Variants in GOLGA5 observed in about 807,000 individuals in gnomAD.
GOLGA5 encodes the protein golgin subfamily A member 5.
In GOLGA5, 50 loss-of-function variants were observed where a neutral mutation model predicts 93.5. The observed-to-expected ratio is 0.53, with a 90% confidence interval of 0.43 to 0.68. The LOEUF is 0.68. Ranked by LOEUF, GOLGA5 falls within the 30% of genes least tolerant of loss-of-function variation. The pLI, the probability that GOLGA5 is intolerant of heterozygous loss-of-function variation, is 0.00. For missense variants in GOLGA5, 760 were observed against 856.4 expected (o/e 0.89, Z 1.40); for synonymous variants, 312 against 304.5 (o/e 1.02, Z -0.26).
intron 9 of GOLGA5, among the ~76,000 whole-genome samples, chr14:92,827,167 A>T (rs1885440680): frequency 6.6e-6 from 1 of 152,216 alleles, no homozygotes; most frequent in South Asian, 2.1e-4. Flanking sequence ...CAAAAAGAAG[A>T]AAAAAGCACA....
intron 1 of GOLGA5, among the ~76,000 whole-genome samples, chr14:92,795,179 T>C (rs1351394971): frequency 6.6e-6 from 1 of 152,174 alleles, no homozygotes; most frequent in Non-Finnish European, 1.5e-5. Flanking sequence ...CCTCAAGTGG[T>C]CCTCCCCGCT....
chr14:92,834,488 G>A (rs1161829927), intron 10 of GOLGA5, among the ~76,000 whole-genome samples: 1 of 152,116 alleles, frequency 6.6e-6, no homozygotes, highest in Non-Finnish European at 1.5e-5. Context: ...CCCAAAGGAG[G>A]TAAGATAGTG....
At chr14:92,819,865 G>A (rs1270211214) in intron 8 of GOLGA5, 29 bp downstream of exon 8, 2 of 1,591,204 alleles carry the variant, frequency 1.3e-6, no homozygotes, top group South Asian at 1.1e-5. Context: ...TGACTTCTGA[G>A]ACTCTGTCCT....
intron 6 of GOLGA5, among the ~76,000 whole-genome samples, chr14:92,815,663 C>CGT (rs1455887227): frequency 6.6e-6 from 1 of 151,066 alleles, no homozygotes; most frequent in East Asian, 1.9e-4. Flanking sequence ...ATAGCAAGAC[C>CGT]GTATCTCAAA....
intron 2 of GOLGA5, among the ~76,000 whole-genome samples, chr14:92,803,205 T>C (rs895911219): frequency 1.3e-5 from 2 of 151,976 alleles, no homozygotes; most frequent in Non-Finnish European, 2.9e-5. Context: ...GTAGGTAATT[T>C]TGTTCATTTT....
chr14:92,810,141 C>A, intron 4 of GOLGA5, 113 bp from the exon 5 acceptor site: 1 of 688,600 alleles, frequency 1.5e-6, no homozygotes, highest in Non-Finnish European at 2.5e-6. Context: ...AAGAATATTT[C>A]AGTCAAATTA....
chr14:92,816,300 G>T lies in GOLGA5; in HGVS notation c.1370G>T (p.Gly457Val). Residue 457 changes from glycine to valine, a missense_variant, in exon 7 of 13, where the codon GGC becomes GTC. Transcript: ENST00000163416. ...NSLKEGSGFE[G>V]LDSSTASSME... The stretch of plus-strand genomic sequence containing the variant: ...TTGAAAGAAGGCTCTGGTTTTGAAG[G>T]CCTAGATAGCAGCACTGCCAGTAGC... 1 of 1,613,908 alleles carries T rather than the reference G, an allele frequency of 6.2e-7. No homozygotes were observed. Among genetic ancestry groups the T allele is most frequent in the Non-Finnish European group, 8.5e-7 (1 of 1,179,802 alleles).
At chr14:92,798,532 C>A (rs1884788856) in intron 2 of GOLGA5, among the ~76,000 whole-genome samples, 1 of 152,244 alleles carries the variant, frequency 6.6e-6, no homozygotes, top group South Asian at 2.1e-4. Flanking sequence ...TTAATTCCCT[C>A]TGAGATTACC....
In GOLGA5 at chr14:92,816,370, G is replaced by A. The variant is rs1885205263; in HGVS notation, c.1440G>A (p.Glu480=). 2 of 1,613,932 alleles carry A rather than the reference G, an allele frequency of 1.2e-6. No homozygotes were observed. The highest frequency in any genetic ancestry group is 1.3e-5 in the African/African-American group (1 of 74,920). ...ELRHEKEMQR[E]EIQKLMGQIH... The stretch of plus-strand genomic sequence containing the variant: ...GGCATGAGAAAGAGATGCAGAGGGA[G>A]GAAATACAGAAGCTGATGGGCCAGA... Residue 480 remains glutamate, a synonymous_variant, in exon 7 of 13, where the codon GAG becomes GAA. Transcript: ENST00000163416.
At chr14:92,803,693 G>A (rs1262554620) in intron 2 of GOLGA5, among the ~76,000 whole-genome samples, 3 of 152,194 alleles carry the variant, frequency 2.0e-5, no homozygotes, top group Non-Finnish European at 4.4e-5. Flanking sequence ...AGGGGTCACA[G>A]CTGAAACTTT....
chr14:92,833,006 A>C, intron 9 of GOLGA5, 116 bp from the exon 10 acceptor site: 1 of 684,116 alleles, frequency 1.5e-6, no homozygotes, highest in Non-Finnish European at 2.6e-6. Flanking sequence ...GAGTCAGTAT[A>C]GAGTTTTGAG....
intron 8 of GOLGA5, among the ~76,000 whole-genome samples, chr14:92,822,782 G>A (rs563027920): frequency 7.9e-5 from 12 of 152,048 alleles, no homozygotes; most frequent in African/African-American, 2.2e-4. Context: ...TCAGCCTCCC[G>A]AGTAGCTGGG....
At chr14:92,804,992 C>T (rs1013998923) in intron 2 of GOLGA5, among the ~76,000 whole-genome samples, 1 of 152,186 alleles carries the variant, frequency 6.6e-6, no homozygotes, top group Admixed American at 6.5e-5. Flanking sequence ...TTCCCTACCC[C>T]ACTTGATTAT....
chr14:92,797,690 A>G lies in GOLGA5; in HGVS notation c.253A>G (p.Lys85Glu). ...ATILAGTANV[K>E]VGSRTPVEAS... ...CATCTTAGCTGGCACTGCAAATGTG[A>G]AAGTAGGATCTCGGACACCAGTAGA... The change falls in exon 2 of 13, where the codon AAA (lysine) becomes GAA (glutamate). Residue 85 changes from lysine (K) to glutamate (E), a missense_variant. By Grantham distance (56) the Lys-to-Glu change is moderately conservative. Coordinates refer to ENST00000163416, the MANE Select transcript of GOLGA5 (RefSeq NM_005113.4). The G allele has an allele frequency of 1.2e-6, 2 of 1,614,160 alleles. No homozygotes were observed. Among genetic ancestry groups the G allele is most frequent in the Non-Finnish European group, 1.7e-6 (2 of 1,179,986 alleles).
intron 9 of GOLGA5, among the ~76,000 whole-genome samples, chr14:92,831,246 A>C (rs568179154): frequency 1.1e-4 from 17 of 152,350 alleles, no homozygotes; most frequent in Admixed American, 7.2e-4. Flanking sequence ...CTGTGACTTT[A>C]GATATTTACC....
At chr14:92,807,594 A>T (rs1336623396) in intron 3 of GOLGA5, among the ~76,000 whole-genome samples, 3 of 152,230 alleles carry the variant, frequency 2.0e-5, no homozygotes, top group Non-Finnish European at 2.9e-5. Context: ...AAGCTGTTCC[A>T]TTAAACAAAG....
Position 92,809,239 on chromosome 14 carries a change from C to T in GOLGA5, c.773-61C>T, listed in dbSNP as rs767527050. The T allele has an allele frequency of 7.7e-5, 87 of 1,125,110 alleles. No individual in the cohort carries two copies. In the East Asian group the frequency reaches 1.8e-3, roughly 23 times the overall value. 69.7% of individuals were successfully genotyped at this position (1,125,110 alleles called of 1,614,324 possible). A position where few individuals can be genotyped will look rare whatever the true frequency, so the allele number is the denominator to read the frequency against. The stretch of plus-strand genomic sequence containing the variant: ...AAAGGCACTCAAAGTAGAAACTGTA[C>T]GTGCTCTGAGAAAAATGTGTTTGGT... On this transcript the variant is annotated intron_variant, in intron 3 of 12. Coordinates refer to ENST00000163416, the MANE Select transcript of GOLGA5 (RefSeq NM_005113.4).
chr14:92,817,736 T>G (rs1046375349), intron 7 of GOLGA5, among the ~76,000 whole-genome samples: 5 of 152,136 alleles, frequency 3.3e-5, no homozygotes, highest in African/African-American at 1.2e-4. Context: ...GCGTGAAAGT[T>G]GTGAGAATAG....
chr14:92,833,149 A>G lies in GOLGA5; in HGVS notation c.1747A>G (p.Ser583Gly). 1 of 1,567,006 alleles carries G rather than the reference A, an allele frequency of 6.4e-7. No individual in the cohort carries two copies. The highest frequency in any genetic ancestry group is 8.8e-7 in the Non-Finnish European group (1 of 1,137,910). ...TACCAATAAAACTTTAAGCAATAGC[A>G]GTCAGTCTGAGTTAGAAAATCGACT... ...QLTNKTLSNS[S>G]QSELENRLHQ... is the part of the protein sequence containing the mutation. The change falls in exon 10 of 13, where the codon AGT becomes GGT. Residue 583 changes from serine (S) to glycine (G), a missense_variant. Coordinates refer to ENST00000163416, the MANE Select transcript of GOLGA5 (RefSeq NM_005113.4).
Sources: allele counts gnomAD v4.1 joint callset (sites outside exome capture counted in the v4.1 genomes callset), GRCh38; gene constraint gnomAD v4.1.1; transcripts MANE v1.5; gene names NCBI Gene and HGNC (gene_info 2026-07-23, HGNC 2026-07-21).